The following NRXN3 variants were observed in gnomAD, a reference collection of about 807,000 sequenced individuals.
The protein encoded by NRXN3 is neurexin 3.
Under a neutral mutation model 137.6 loss-of-function variants are expected in NRXN3, and 32 were observed. The ratio of observed to expected loss-of-function variants is 0.23; its 90% CI spans 0.18 to 0.31. The LOEUF is 0.31. Among genes scored for constraint, NRXN3 ranks in the 10% least tolerant of loss-of-function variants. NRXN3 has a pLI of 1.00. For missense variants in NRXN3, 1,574 were observed against 2,062.5 expected (o/e 0.76, Z 4.59); for synonymous variants, 798 against 784.5 (o/e 1.02, Z -0.29).
intron 2 of NRXN3, among the ~76,000 whole-genome samples, chr14:78,277,630 G>C (rs1297705047): frequency 6.6e-6 from 1 of 152,156 alleles, no homozygotes; most frequent in Admixed American, 6.5e-5. Context: ...AAGACTGCCA[G>C]GTTGGTCATT....
chr14:78,641,900 T>C (rs76015964), intron 4 of NRXN3, among the ~76,000 whole-genome samples: 2,936 of 152,330 alleles, frequency 0.019, 102 homozygotes, highest in East Asian at 0.18. Context: ...TTTATGGTGA[T>C]ATTCTCTTCT....
intron 10 of NRXN3, among the ~76,000 whole-genome samples, chr14:78,927,063 G>A (rs1436804413): frequency 3.2e-5 from 4 of 125,186 alleles, no homozygotes; most frequent in African/African-American, 1.2e-4. Flanking sequence ...GCTGAAGTGG[G>A]AGGATCTCTT....
At chr14:79,335,393 T>G (rs1213544600) in intron 15 of NRXN3, among the ~76,000 whole-genome samples, 1 of 152,124 alleles carries the variant, frequency 6.6e-6, no homozygotes, top group Admixed American at 6.5e-5. Context: ...TTTATTTATT[T>G]TCTTCTTCAG....
chr14:79,611,121 AT>A (rs1319978357), intron 16 of NRXN3, among the ~76,000 whole-genome samples: 3 of 152,156 alleles, frequency 2.0e-5, no homozygotes, highest in Non-Finnish European at 4.4e-5. Flanking sequence ...TAGTAACTAT[AT>A]TTTTCTATCT....
intron 15 of NRXN3, among the ~76,000 whole-genome samples, chr14:79,318,978 A>G (rs1378520117): frequency 6.6e-6 from 1 of 152,038 alleles, no homozygotes; most frequent in East Asian, 1.9e-4. Flanking sequence ...TTTGTTTTTG[A>G]CCAAGTTATA....
At chr14:78,709,720 G>A (rs1567116134) in intron 7 of NRXN3, 65 bp downstream of exon 7, 1 of 1,450,956 alleles carries the variant, frequency 6.9e-7, no homozygotes, top group Non-Finnish European at 9.3e-7. Flanking sequence ...TTTGTTTTTT[G>A]GCTTTATGTT....
At chr14:78,960,969 T>C (rs748615476) in intron 11 of NRXN3, among the ~76,000 whole-genome samples, 1 of 152,012 alleles carries the variant, frequency 6.6e-6, no homozygotes, top group African/African-American at 2.4e-5. Flanking sequence ...TTTAATAAGC[T>C]AATGTACATT....
intron 4 of NRXN3, among the ~76,000 whole-genome samples, chr14:78,420,105 A>G (rs1387904745): frequency 3.3e-5 from 5 of 152,114 alleles, no homozygotes; most frequent in Non-Finnish European, 5.9e-5. Flanking sequence ...AAAAAAGGTA[A>G]AATGGGGTTA....
At chr14:79,474,786 C>T (rs1384303846) in intron 16 of NRXN3, among the ~76,000 whole-genome samples, 1 of 151,726 alleles carries the variant, frequency 6.6e-6, no homozygotes, top group Admixed American at 6.6e-5. Flanking sequence ...GAATATGCCA[C>T]TTTGCATGAA....
At chr14:79,840,473 G>C (rs572718449) in intron 20 of NRXN3, among the ~76,000 whole-genome samples, 2 of 152,244 alleles carry the variant, frequency 1.3e-5, no homozygotes, top group South Asian at 4.1e-4. Context: ...AGAGATCTTA[G>C]GATCTCCTGT....
chr14:79,057,752 A>C (rs2099667664), intron 15 of NRXN3, among the ~76,000 whole-genome samples: 1 of 152,204 alleles, frequency 6.6e-6, no homozygotes, highest in Non-Finnish European at 1.5e-5. Context: ...TCCAGTTTGC[A>C]CTGCACTGGG....
At chr14:79,130,533 T>G (rs2057309783) in intron 15 of NRXN3, among the ~76,000 whole-genome samples, 1 of 152,172 alleles carries the variant, frequency 6.6e-6, no homozygotes, top group South Asian at 2.1e-4. Context: ...TTGTAGAGTT[T>G]CTGCCGAGAG....
chr14:79,338,208 T>A (rs2092388873), intron 15 of NRXN3, among the ~76,000 whole-genome samples: 1 of 128,876 alleles, frequency 7.8e-6, no homozygotes, highest in Admixed American at 8.1e-5. Context: ...TGTGTGTGTG[T>A]GTGTATGTGA....
At chr14:79,400,652 A>G (rs2095166554) in intron 15 of NRXN3, among the ~76,000 whole-genome samples, 1 of 152,184 alleles carries the variant, frequency 6.6e-6, no homozygotes, top group Non-Finnish European at 1.5e-5. Flanking sequence ...ATTCGTCATT[A>G]TCATATTTGA....
intron 4 of NRXN3, among the ~76,000 whole-genome samples, chr14:78,630,592 T>C (rs1374829975): frequency 4.7e-5 from 6 of 128,666 alleles, no homozygotes; most frequent in Non-Finnish European, 8.2e-5. Flanking sequence ...TTTCTTTCTT[T>C]CTTTCTTTTT....
intron 7 of NRXN3, among the ~76,000 whole-genome samples, chr14:78,711,812 G>T (rs1156870611): frequency 1.3e-5 from 2 of 152,086 alleles, no homozygotes; most frequent in African/African-American, 4.8e-5. Flanking sequence ...ACAAACAATT[G>T]TCCCATGAAA....
At chr14:79,481,854 G>A (rs747995067) in intron 16 of NRXN3, among the ~76,000 whole-genome samples, 3 of 152,070 alleles carry the variant, frequency 2.0e-5, no homozygotes, top group Non-Finnish European at 4.4e-5. Context: ...TGCAATTATG[G>A]GATCTGGAAA....
At chr14:79,212,240 C>T (rs539696674) in intron 15 of NRXN3, among the ~76,000 whole-genome samples, 126 of 152,300 alleles carry the variant, frequency 8.3e-4, no homozygotes, top group African/African-American at 2.7e-3. Flanking sequence ...GGCATTTCCA[C>T]CACCTGCTAT....
chr14:78,785,294 C>T (rs1331512637), intron 8 of NRXN3, among the ~76,000 whole-genome samples: 5 of 152,150 alleles, frequency 3.3e-5, no homozygotes, highest in Non-Finnish European at 1.5e-5. Flanking sequence ...GACTCAAGGA[C>T]TGCTGAACAG....
Sources: allele counts gnomAD v4.1 joint callset (sites outside exome capture counted in the v4.1 genomes callset), GRCh38; gene constraint gnomAD v4.1.1; transcripts MANE v1.5; gene names NCBI Gene and HGNC (gene_info 2026-07-23, HGNC 2026-07-21).